The following SATB2 variants were observed in gnomAD, a reference collection of about 807,000 sequenced individuals.
The protein encoded by SATB2 is SATB homeobox 2.
A neutral mutation model predicts 73.4 loss-of-function variants in SATB2; 1 was observed. The observed-to-expected ratio is 0.01, with a 90% CI of 0.00 to 0.06. SATB2 has a LOEUF of 0.06. Among genes scored for constraint, SATB2 ranks in the 10% least tolerant of loss-of-function variants. The pLI is 1.00. For missense variants in SATB2, 459 were observed against 945.8 expected, an observed-to-expected ratio of 0.49 and a Z score of 6.75; for synonymous variants, 397 against 367.0, an observed-to-expected ratio of 1.08 and a Z score of -0.93.
intron 5 of SATB2, among the ~76,000 whole-genome samples, chr2:199,373,877 C>T (rs1031561450): frequency 2.6e-5 from 4 of 152,174 alleles, no homozygotes; most frequent in African/African-American, 9.7e-5. Context: ...CATGATGCAT[C>T]CCCACTACAT....
intron 3 of SATB2, among the ~76,000 whole-genome samples, chr2:199,425,750 A>C (rs1409109199): frequency 6.6e-6 from 1 of 152,190 alleles, no homozygotes; most frequent in African/African-American, 2.4e-5. Flanking sequence ...GGAATACAGA[A>C]CTATAAATAT....
At chr2:199,335,743 C>G (rs529281954) in intron 7 of SATB2, among the ~76,000 whole-genome samples, 2 of 152,182 alleles carry the variant, frequency 1.3e-5, no homozygotes, top group African/African-American at 4.8e-5. Context: ...TTTCATCCAG[C>G]CTGCTGAAAA....
At chr2:199,413,106 T>C (rs774380397) in intron 3 of SATB2, among the ~76,000 whole-genome samples, 16 of 152,204 alleles carry the variant, frequency 1.1e-4, no homozygotes, top group Non-Finnish European at 2.4e-4. Context: ...TTCCTCAAAT[T>C]AGGAGAAAAC....
chr2:199,348,557 G>T, intron 7 of SATB2, 144 bp downstream of exon 7: 1 of 723,552 alleles, frequency 1.4e-6, no homozygotes, highest in Non-Finnish European at 2.4e-6. Context: ...TGGTAATAGC[G>T]TTTCATTAAC....
rs1692563296 is a variant in SATB2, at chr2:199,464,874, G to A, written c.-179C>T. 6.6e-6 allele frequency: 1 copy of A among 152,304 alleles called. No homozygotes were observed. The highest frequency in any genetic ancestry group is 1.5e-5 in the Non-Finnish European group (1 of 68,102). 9.4% of individuals were successfully genotyped at this position (152,304 alleles called of 1,614,324 possible). On this transcript the variant is annotated 5_prime_UTR_variant, in exon 1 of 12. Transcript: ENST00000260926. This position sits in a 1 kb window ranked among gnomAD's most constrained non-coding sequence, Gnocchi z 6.6. ...GCCCGCCTTCGCCCCAAGTGCCCAG[G>A]ACGGAGCGAGGGGCTGTGGGTCGGC...
At chr2:199,450,452 GATTAA>G (rs1386304679) in intron 2 of SATB2, among the ~76,000 whole-genome samples, 2 of 152,040 alleles carry the variant, frequency 1.3e-5, no homozygotes, top group African/African-American at 4.8e-5. Context: ...AAAGCCTACT[GATTAA>G]ACAATATAAA....
chr2:199,338,029 G>T (rs952336138), intron 7 of SATB2, among the ~76,000 whole-genome samples: 11 of 151,968 alleles, frequency 7.2e-5, no homozygotes, highest in African/African-American at 2.7e-4. Context: ...AGAATTTCGG[G>T]AGACTAGTTA....
chr2:199,383,887 G>A (rs1449889670), intron 3 of SATB2, among the ~76,000 whole-genome samples: 1 of 152,154 alleles, frequency 6.6e-6, no homozygotes, highest in African/African-American at 2.4e-5. Context: ...TAATCTAATG[G>A]GGATAGAAGT....
At chr2:199,384,832 C>A (rs1183890170) in intron 3 of SATB2, among the ~76,000 whole-genome samples, 4 of 152,154 alleles carry the variant, frequency 2.6e-5, no homozygotes, top group Admixed American at 2.6e-4. Context: ...TATTAAAGAG[C>A]ATGAATATAA....
chr2:199,397,395 A>G (rs887782779), intron 3 of SATB2: 1 of 152,342 alleles, frequency 6.6e-6, no homozygotes, highest in Non-Finnish European at 1.5e-5. Context: ...AAAGTCATTC[A>G]GTTCAAGTAT....
At chr2:199,404,205 A>C (rs967689336) in intron 3 of SATB2, among the ~76,000 whole-genome samples, 2 of 152,212 alleles carry the variant, frequency 1.3e-5, no homozygotes, top group Non-Finnish European at 2.9e-5. Flanking sequence ...TCAAGAAAAG[A>C]GGCAAGGCCT....
chr2:199,303,199 T>G (rs527922358), intron 10 of SATB2, among the ~76,000 whole-genome samples: 1 of 152,198 alleles, frequency 6.6e-6, no homozygotes, highest in Non-Finnish European at 1.5e-5. Context: ...AGCGAGTTAC[T>G]TTAACTTCTT....
chr2:199,324,295 A>C (rs1201093689), intron 8 of SATB2, among the ~76,000 whole-genome samples: 1 of 152,172 alleles, frequency 6.6e-6, no homozygotes, highest in Non-Finnish European at 1.5e-5. Context: ...TTTCTTTCTA[A>C]AAATGGCACA....
chr2:199,345,138 G>A (rs947854503), intron 7 of SATB2, among the ~76,000 whole-genome samples: 1 of 152,126 alleles, frequency 6.6e-6, no homozygotes, highest in South Asian at 2.1e-4. Context: ...TGCTGCTGCT[G>A]GTGGTGGTGA....
intron 6 of SATB2, among the ~76,000 whole-genome samples, chr2:199,355,381 T>A (rs1688952442): frequency 4.0e-5 from 6 of 148,776 alleles, no homozygotes; most frequent in East Asian, 2.0e-4. Context: ...TATATAGTCT[T>A]TCACTCCTAT....
intron 2 of SATB2, among the ~76,000 whole-genome samples, chr2:199,446,740 A>C: frequency 6.6e-6 from 1 of 152,180 alleles, no homozygotes; most frequent in East Asian, 1.9e-4. Flanking sequence ...CTATGGATTA[A>C]ATAACTTTTT....
At chr2:199,400,181 A>G (rs749267073) in intron 3 of SATB2, among the ~76,000 whole-genome samples, 37 of 152,304 alleles carry the variant, frequency 2.4e-4, no homozygotes, top group Non-Finnish European at 2.4e-4. Flanking sequence ...TCATGAGGTG[A>G]AAAACTATAC....
At chr2:199,343,137 C>T (rs985934492) in intron 7 of SATB2, among the ~76,000 whole-genome samples, 12 of 148,758 alleles carry the variant, frequency 8.1e-5, no homozygotes, top group Non-Finnish European at 1.5e-4. Flanking sequence ...CACACACACA[C>T]ATACACGATT....
intron 3 of SATB2, among the ~76,000 whole-genome samples, chr2:199,416,510 G>A (rs1277092772): frequency 1.3e-5 from 2 of 152,086 alleles, no homozygotes; most frequent in Admixed American, 6.5e-5. Context: ...GTTTACCACA[G>A]GTAATTCATG....
Sources: gnomAD v4.1 joint callset for allele counts (sites outside exome capture counted in the v4.1 genomes callset) on GRCh38, gnomAD v4.1.1 for gene constraint, Gnocchi (gnomAD v3.1) non-coding constraint, MANE v1.5 for transcripts, NCBI Gene and HGNC (gene_info 2026-07-23, HGNC 2026-07-21) for gene names.